The following CABYR variants were observed in gnomAD, a reference collection of about 807,000 sequenced individuals.
CABYR encodes calcium binding tyrosine phosphorylation regulated.
In CABYR, 31 loss-of-function variants were observed where a neutral mutation model predicts 36.1. The ratio of observed to expected loss-of-function variants is 0.86; its 90% CI spans 0.64 to 1.16. The LOEUF (loss-of-function observed/expected upper bound fraction) is 1.16, where lower values mean the gene tolerates loss of function less well. Ranked by LOEUF, CABYR falls within the 50% of genes most tolerant of loss-of-function variation. The pLI, the probability that CABYR is intolerant of heterozygous loss-of-function variation, is 0.00. For synonymous variants in CABYR, 146 were observed against 160.7 expected (o/e 0.91, Z 0.69); for missense variants, 429 against 455.8 (o/e 0.94, Z 0.53).
intron 3 of CABYR, among the ~76,000 whole-genome samples, chr18:24,149,722 C>A (rs920135785): frequency 6.6e-6 from 1 of 152,252 alleles, no homozygotes; most frequent in Admixed American, 6.5e-5. Flanking sequence ...TAAGGCCCGG[C>A]GAGAAATCAA....
chr18:24,142,644 G>T (rs1393976967), intron 1 of CABYR, among the ~76,000 whole-genome samples: 10 of 144,964 alleles, frequency 6.9e-5, no homozygotes, highest in Middle Eastern at 3.5e-3. Flanking sequence ...AGGGTTGTGT[G>T]TTTTTTTTTT....
intron 1 of CABYR, among the ~76,000 whole-genome samples, chr18:24,142,328 A>AT (rs2085344668): frequency 6.6e-6 from 1 of 152,200 alleles, no homozygotes; most frequent in East Asian, 1.9e-4. Flanking sequence ...CAAAAAAAAA[A>AT]GCAGCATGTC....
At chr18:24,156,720 G>A in intron 4 of CABYR, 1 of 1,614,184 alleles carries the variant, frequency 6.2e-7, no homozygotes, top group South Asian at 1.1e-5. Context: ...GGATGCAGAA[G>A]GTGCTATCAA....
intron 3 of CABYR, among the ~76,000 whole-genome samples, chr18:24,153,063 GCT>G (rs1335737398): frequency 6.6e-6 from 1 of 152,196 alleles, no homozygotes; most frequent in Non-Finnish European, 1.5e-5. Flanking sequence ...TTCCCCCTCA[GCT>G]TTCAGCCTTC....
At chr18:24,156,230 A>G in intron 4 of CABYR, 188 bp downstream of exon 4, 1 of 1,614,162 alleles carries the variant, frequency 6.2e-7, no homozygotes, top group Non-Finnish European at 8.5e-7. Context: ...CTGTCCATGT[A>G]GATTTGGGTT....
intron 3 of CABYR, among the ~76,000 whole-genome samples, chr18:24,146,888 T>C (rs2085472608): frequency 6.6e-6 from 1 of 152,200 alleles, no homozygotes; most frequent in Non-Finnish European, 1.5e-5. Context: ...CTAGAATTAA[T>C]ATATACCCAG....
At position 24,155,823 on chromosome 18, in the gene CABYR, G is replaced by A. The variant is rs746877224; in HGVS notation, c.322G>A (p.Asp108Asn). The change falls in exon 4 of 6, where the codon GAC becomes AAC. Residue 108 changes from aspartate to asparagine, a missense_variant. Physicochemically the swap from Asp to Asn is conservative, Grantham distance 23. Coordinates refer to ENST00000399496, the MANE Select transcript of CABYR (RefSeq NM_153769.3). ...QMEKSTDTDE[D>N]NVTRTEYSDK... is the part of the protein sequence containing the mutation. ...GGAAAAATCTACAGACACAGACGAG[G>A]ACAATGTAACCAGAACAGAATATAG... is the stretch of plus-strand genomic sequence containing the variant. 5.6e-6 allele frequency: 9 copies of A among 1,614,008 alleles called. No homozygotes were observed. In the East Asian group the frequency reaches 2.0e-4, roughly 36 times the overall value.
At position 24,143,235 on chromosome 18, in the gene CABYR, TTTCAA is replaced by T; in HGVS notation, c.122_126del (p.Phe41Ter). ...CATCAACCAGTTTGCAGCAGCTTAT[TTTCAA>T]GAACTTACTATGTATAGAGGTTTGT... On this transcript the variant is annotated frameshift_variant, in exon 2 of 6. Coordinates refer to ENST00000399496, the MANE Select transcript of CABYR (RefSeq NM_153769.3). LOFTEE classifies it high-confidence loss of function. 6.2e-7 allele frequency: 1 copy of T among 1,613,826 alleles called. No individual in the cohort carries two copies. The highest frequency in any genetic ancestry group is 8.5e-7 in the Non-Finnish European group (1 of 1,179,934).
chr18:24,159,833 A>G lies in CABYR; in HGVS notation c.903A>G (p.Ala301=), dbSNP rs1314249016. The part of the protein sequence containing the change: ...VAMQVPIAVP[A]DEKYQKHTLS... ...TGCAAGTGCCCATTGCTGTTCCTGCAGATGAGAAATACCAGAAACATACCC... is the reference window on the plus strand; with the variant it reads ...TGCAAGTGCCCATTGCTGTTCCTGCGGATGAGAAATACCAGAAACATACCC... The change falls in exon 5 of 6, where the codon GCA becomes GCG. Residue 301 remains alanine (A), a synonymous_variant. Transcript: ENST00000399496. 6.2e-7 allele frequency: 1 copy of G among 1,614,186 alleles called. No homozygotes were observed. Among genetic ancestry groups the G allele is most frequent in the South Asian group, 1.1e-5 (1 of 91,082 alleles).
chr18:24,143,054 A>T, intron 1 of CABYR, 37 bp from the exon 2 acceptor site: 1 of 1,328,386 alleles, frequency 7.5e-7, no homozygotes, highest in Non-Finnish European at 1.0e-6. Context: ...CTATTTTAGT[A>T]AAACTAATTA....
chr18:24,145,674 G>C (rs149213546), intron 3 of CABYR, among the ~76,000 whole-genome samples: 75 of 152,304 alleles, frequency 4.9e-4, no homozygotes, highest in African/African-American at 1.8e-3. Context: ...GCTATTGGGA[G>C]ACTGAAAGCT....
Position 24,156,923 on chromosome 18 carries a change from T to C in CABYR, c.541+881T>C, listed in dbSNP as rs562810639. 109 of 1,613,990 alleles carry C rather than the reference T, an allele frequency of 6.8e-5. 1 individual carries two copies. In the South Asian group the frequency reaches 1.1e-3, roughly 16 times the overall value. ...AGTCATCTAGTGGCCCCTTCCCTCC[T>C]GCTCCAGAAGGCCTTACTGCACCAG... On this transcript the variant is annotated intron_variant, in intron 4 of 5. Transcript: ENST00000399496.
At chr18:24,151,164 T>C (rs2085621876) in intron 3 of CABYR, among the ~76,000 whole-genome samples, 1 of 151,018 alleles carries the variant, frequency 6.6e-6, no homozygotes, top group African/African-American at 2.4e-5. Flanking sequence ...CTCCATGAGT[T>C]GTGCCTATTT....
At chr18:24,144,651 C>G (rs1364369914) in intron 3 of CABYR, among the ~76,000 whole-genome samples, 1 of 152,156 alleles carries the variant, frequency 6.6e-6, no homozygotes, top group Non-Finnish European at 1.5e-5. Flanking sequence ...AGTTATGCCT[C>G]TACCAGAGGT....
At chr18:24,153,059 C>T (rs2085680309) in intron 3 of CABYR, among the ~76,000 whole-genome samples, 1 of 152,220 alleles carries the variant, frequency 6.6e-6, no homozygotes, top group Admixed American at 6.5e-5. Flanking sequence ...GTGCTTCCCC[C>T]TCAGCTTTCA....
chr18:24,149,445 G>T (rs2085552004), intron 3 of CABYR, among the ~76,000 whole-genome samples: 1 of 152,216 alleles, frequency 6.6e-6, no homozygotes, highest in Non-Finnish European at 1.5e-5. Flanking sequence ...TAGACATAAA[G>T]GTTCTCCACG....
intron 3 of CABYR, among the ~76,000 whole-genome samples, chr18:24,144,223 T>A (rs2085402957): frequency 6.6e-6 from 1 of 152,146 alleles, no homozygotes; most frequent in Non-Finnish European, 1.5e-5. Context: ...TAGTGAGTCT[T>A]GATATTTTTG....
intron 5 of CABYR, 69 bp from the exon 6 acceptor site, chr18:24,161,447 C>T: frequency 1.3e-6 from 1 of 771,278 alleles, no homozygotes; most frequent in Non-Finnish European, 2.4e-6. Flanking sequence ...TTCTAATCTT[C>T]TGCTCATTTC....
intron 3 of CABYR, among the ~76,000 whole-genome samples, chr18:24,145,655 C>T (rs543886959): frequency 6.6e-6 from 1 of 152,242 alleles, no homozygotes; most frequent in South Asian, 2.1e-4. Flanking sequence ...GGAGGTTTAG[C>T]AGAAAAGAGC....
Sources: gnomAD v4.1 joint callset for allele counts (sites outside exome capture counted in the v4.1 genomes callset) on GRCh38, gnomAD v4.1.1 for gene constraint, MANE v1.5 for transcripts, NCBI Gene and HGNC (gene_info 2026-07-23, HGNC 2026-07-21) for gene names.